SORCS1: variants seen among roughly 807,000 people sequenced by gnomAD.
The protein encoded by SORCS1 is VPS10 domain-containing receptor SorCS1.
SORCS1 carries 60 observed loss-of-function variants against 146.1 expected under a neutral mutation model. The ratio of observed to expected loss-of-function variants is 0.41; its 90% CI spans 0.33 to 0.51. The LOEUF (loss-of-function observed/expected upper bound fraction) is 0.51. SORCS1 is among the 20% of genes least tolerant of loss of function. SORCS1 has a pLI of 0.21. For missense variants in SORCS1, 1,352 were observed against 1,487.6 expected, an observed-to-expected ratio of 0.91 and a Z score of 1.50; for synonymous variants, 637 against 584.0, an observed-to-expected ratio of 1.09 and a Z score of -1.31.
intron 9 of SORCS1, among the ~76,000 whole-genome samples, chr10:106,692,865 T>C (rs2135686153): frequency 6.6e-6 from 1 of 152,084 alleles, no homozygotes; most frequent in Admixed American, 6.5e-5. Context: ...TGATGAATAA[T>C]CTCAAGTATA....
intron 3 of SORCS1, among the ~76,000 whole-genome samples, chr10:106,827,956 AG>A (rs1273934231): frequency 6.6e-6 from 1 of 152,266 alleles, no homozygotes; most frequent in Non-Finnish European, 1.5e-5. Flanking sequence ...AGAGCTTAGA[AG>A]AAAATTTCTA....
intron 6 of SORCS1, among the ~76,000 whole-genome samples, chr10:106,727,854 G>T (rs1856313560): frequency 6.6e-6 from 1 of 152,114 alleles, no homozygotes; most frequent in African/African-American, 2.4e-5. Flanking sequence ...AAGGCTTTAT[G>T]GCAAGACACA....
chr10:106,579,531 T>TC, intron 24 of SORCS1, 57 bp from the exon 25 acceptor site: 3 of 1,544,940 alleles, frequency 1.9e-6, no homozygotes, highest in Non-Finnish European at 2.7e-6. Flanking sequence ...GGTGAGACTC[T>TC]ATGAGAGGCT....
intron 18 of SORCS1, among the ~76,000 whole-genome samples, chr10:106,635,630 A>G (rs1289997879): frequency 1.3e-5 from 2 of 152,178 alleles, no homozygotes; most frequent in Non-Finnish European, 2.9e-5. Flanking sequence ...AGAGTACTGA[A>G]TAACACAAGA....
chr10:107,132,527 A>G (rs1423619139), intron 1 of SORCS1, among the ~76,000 whole-genome samples: 4 of 152,250 alleles, frequency 2.6e-5, no homozygotes, highest in Admixed American at 6.5e-5. Flanking sequence ...CGCTAACAGT[A>G]GACAACAAAT....
In SORCS1 at chr10:106,630,733, T is replaced by C. The variant is rs186131259; in HGVS notation, c.2476-1345A>G. Among the ~76,000 whole-genome samples, 441 of 152,310 alleles carry C rather than the reference T, an allele frequency of 2.9e-3. 2 individuals are homozygous for C. The highest frequency in any genetic ancestry group is 0.01 in the African/African-American group (427 of 41,574). ...ACATAAAAATGACTATAAATCAATG[T>C]AGCTATAAAAGACCTACAATTGTCC... On this transcript the variant is annotated intron_variant, in intron 18 of 25. Transcript: ENST00000263054.
intron 1 of SORCS1, among the ~76,000 whole-genome samples, chr10:107,005,476 T>G (rs1179667451): frequency 2.6e-5 from 4 of 152,342 alleles, no homozygotes; most frequent in Admixed American, 6.5e-5. Flanking sequence ...CTTTCACAAA[T>G]AAAGGCTGAA....
rs772762829 is a variant in SORCS1 at position 106,699,199 on chromosome 10, T to C, written c.1413+15A>G. The C allele has an allele frequency of 1.0e-5, 16 of 1,598,334 alleles. No homozygotes were observed. In the East Asian group the frequency reaches 3.4e-4, roughly 34 times the overall value. On this transcript the variant is annotated intron_variant, in intron 9 of 25. Coordinates refer to ENST00000263054, the MANE Select transcript of SORCS1 (RefSeq NM_052918.5). ...CACTGCTGTGGCTTAGGACCACATA[T>C]GCCTCGTGACATACCTCATAGAGGT...
intron 1 of SORCS1, among the ~76,000 whole-genome samples, chr10:107,136,128 T>C (rs563268537): frequency 6.6e-6 from 1 of 151,190 alleles, no homozygotes; most frequent in African/African-American, 2.4e-5. Flanking sequence ...AAAAAAAAAA[T>C]TGGGGAAGAA....
chr10:106,791,487 G>A (rs1329424258), intron 3 of SORCS1, among the ~76,000 whole-genome samples: 1 of 152,114 alleles, frequency 6.6e-6, no homozygotes, highest in Non-Finnish European at 1.5e-5. Context: ...GGATCATGAG[G>A]TCAAAAGATC....
At chr10:107,021,375 A>G (rs7907143) in intron 1 of SORCS1, among the ~76,000 whole-genome samples, 72,812 of 151,132 alleles carry the variant, frequency 0.48, 19,562 homozygotes, top group African/African-American at 0.74. Context: ...TTAGCCGGGC[A>G]TGGTGGCGGG....
At chr10:106,656,525 C>T (rs1173043405) in intron 17 of SORCS1, among the ~76,000 whole-genome samples, 3 of 151,846 alleles carry the variant, frequency 2.0e-5, no homozygotes, top group Non-Finnish European at 4.4e-5. Flanking sequence ...CACTGCACTC[C>T]CGAGCGAGAT....
chr10:106,643,482 A>G (rs1346122913), intron 18 of SORCS1, among the ~76,000 whole-genome samples: 2 of 152,260 alleles, frequency 1.3e-5, no homozygotes, highest in African/African-American at 4.8e-5. Context: ...TCATTAGCAC[A>G]GCATCTCACA....
intron 1 of SORCS1, among the ~76,000 whole-genome samples, chr10:107,028,633 A>G (rs549743880): frequency 8.3e-4 from 127 of 152,302 alleles, no homozygotes; most frequent in African/African-American, 2.9e-3. Context: ...GTAATGGGCT[A>G]TATTGGTTAA....
At chr10:107,027,682 G>A (rs1229753596) in intron 1 of SORCS1, among the ~76,000 whole-genome samples, 1 of 152,102 alleles carries the variant, frequency 6.6e-6, no homozygotes, top group African/African-American at 2.4e-5. Context: ...GATCAGCAAG[G>A]GCACCGCAGA....
intron 1 of SORCS1, among the ~76,000 whole-genome samples, chr10:107,084,426 G>T (rs111256126): frequency 1.9e-3 from 287 of 152,086 alleles, no homozygotes; most frequent in African/African-American, 5.8e-3. Flanking sequence ...AAATGGACAA[G>T]AACTATACTA....
intron 1 of SORCS1, among the ~76,000 whole-genome samples, chr10:107,150,201 C>T (rs144595044): frequency 1.4e-3 from 219 of 152,338 alleles, no homozygotes; most frequent in African/African-American, 5.0e-3. Flanking sequence ...AGTGCTGACA[C>T]AACAGCCACT....
intron 18 of SORCS1, among the ~76,000 whole-genome samples, chr10:106,643,394 G>A (rs1849198461): frequency 6.6e-6 from 1 of 152,208 alleles, no homozygotes; most frequent in African/African-American, 2.4e-5. Context: ...CCAATCACGT[G>A]CACCTCCCGT....
At chr10:106,856,951 T>A (rs1202199012) in intron 2 of SORCS1, among the ~76,000 whole-genome samples, 1 of 152,232 alleles carries the variant, frequency 6.6e-6, no homozygotes, top group Non-Finnish European at 1.5e-5. Flanking sequence ...TGTTAATTGT[T>A]CAGTTTCTTT....
Sources: allele counts gnomAD v4.1 joint callset (sites outside exome capture counted in the v4.1 genomes callset), GRCh38; gene constraint gnomAD v4.1.1; transcripts MANE v1.5; gene names NCBI Gene and HGNC (gene_info 2026-07-23, HGNC 2026-07-21).